Variants in ZMYND8 observed in about 807,000 individuals in gnomAD.
ZMYND8 encodes zinc finger MYND-type containing 8.
A neutral mutation model predicts 140.8 loss-of-function variants in ZMYND8; 37 were observed. The observed-to-expected ratio is 0.26, with a 90% CI of 0.20 to 0.35. The LOEUF is 0.35. ZMYND8 is among the 10% of genes least tolerant of loss of function. The pLI, the probability that ZMYND8 is intolerant of heterozygous loss-of-function variation, is 1.00. For missense variants in ZMYND8, 1,068 were observed against 1,570.0 expected, an observed-to-expected ratio of 0.68 and a Z score of 5.40; for synonymous variants, 592 against 597.1, an observed-to-expected ratio of 0.99 and a Z score of 0.12.
At chr20:47,303,154 T>G (rs2078199974) in intron 3 of ZMYND8, among the ~76,000 whole-genome samples, 1 of 152,000 alleles carries the variant, frequency 6.6e-6, no homozygotes. Flanking sequence ...TCGAATTTAT[T>G]GTAGGGGTAT....
intron 1 of ZMYND8, 24 bp downstream of exon 1, chr20:47,356,633 A>G (rs1173238028): frequency 2.5e-6 from 4 of 1,614,148 alleles, no homozygotes; most frequent in Admixed American, 3.3e-5. Flanking sequence ...GGGGGAAAAA[A>G]GATGGTTAAA....
chr20:47,262,507 T>C, intron 11 of ZMYND8, 79 bp from the exon 12 acceptor site: 1 of 1,563,712 alleles, frequency 6.4e-7, no homozygotes, highest in Non-Finnish European at 8.7e-7. Flanking sequence ...AGGGAGAGAA[T>C]GGAGAGATTA....
chr20:47,238,738 C>CAGAA lies in ZMYND8; in HGVS notation c.2665+16_2665+19dup, dbSNP rs751424432. 6.6e-5 allele frequency: 105 copies of CAGAA among 1,600,836 alleles called. No homozygotes were observed. The highest frequency in any genetic ancestry group is 1.6e-4 in the Middle Eastern group (1 of 6,078). On this transcript the variant is annotated intron_variant, in intron 15 of 22. Coordinates refer to ENST00000471951, the MANE Select transcript of ZMYND8 (RefSeq NM_001281775.3). ...AAATGGGAGCGGGCGCCACGGAGAA[C>CAGAA]AGAAGGGGAGGCTCGGTACCTTTCA...
intron 11 of ZMYND8, among the ~76,000 whole-genome samples, chr20:47,275,705 C>T (rs2076215626): frequency 6.6e-6 from 1 of 152,116 alleles, no homozygotes; most frequent in African/African-American, 2.4e-5. Context: ...CAGGCTCCGG[C>T]AATCCTCCCA....
At chr20:47,319,576 G>A (rs1343869747) in intron 2 of ZMYND8, 1 of 156,582 alleles carries the variant, frequency 6.4e-6, no homozygotes, top group East Asian at 1.9e-4. Flanking sequence ...GGTGATTAAA[G>A]GGCACATTCA....
chr20:47,351,467 C>CA (rs2082776088), intron 1 of ZMYND8, among the ~76,000 whole-genome samples: 1 of 152,150 alleles, frequency 6.6e-6, no homozygotes, highest in Non-Finnish European at 1.5e-5. Flanking sequence ...CATCGCACAG[C>CA]AATTCAAGAA....
intron 12 of ZMYND8, among the ~76,000 whole-genome samples, chr20:47,250,949 A>C (rs1451738193): frequency 6.6e-6 from 1 of 151,978 alleles, no homozygotes; most frequent in Non-Finnish European, 1.5e-5. Flanking sequence ...GAATGGCTTG[A>C]GCCAGGAGTT....
chr20:47,296,059 A>G lies in ZMYND8; in HGVS notation c.454-1280T>C, dbSNP rs2077616474. Among the ~76,000 whole-genome samples, 5 of 151,418 alleles carry G rather than the reference A, an allele frequency of 3.3e-5. No individual in the cohort carries two copies. The South Asian group carries it at 8.4e-4, about 25-fold the overall frequency. On this transcript the variant is annotated intron_variant, in intron 4 of 22. Coordinates refer to ENST00000471951, the MANE Select transcript of ZMYND8 (RefSeq NM_001281775.3). ...GCTGAAAACAGTGCATGACGCATGCATCTATTTGCTTAGCTACCACAGCCT... is the reference window on the plus strand; with the variant it reads ...GCTGAAAACAGTGCATGACGCATGCGTCTATTTGCTTAGCTACCACAGCCT...
chr20:47,214,182 G>A (rs2035716066), intron 21 of ZMYND8, among the ~76,000 whole-genome samples: 1 of 152,196 alleles, frequency 6.6e-6, no homozygotes, highest in African/African-American at 2.4e-5. Flanking sequence ...AGCAAGTGCT[G>A]GCAGAAGTAA....
chr20:47,216,387 C>T (rs1331492675), intron 21 of ZMYND8, among the ~76,000 whole-genome samples: 8 of 147,948 alleles, frequency 5.4e-5, no homozygotes, highest in Non-Finnish European at 1.5e-5. Context: ...CCCAGCTACT[C>T]AGGAGGCTGA....
intron 11 of ZMYND8, among the ~76,000 whole-genome samples, chr20:47,267,250 G>A (rs2075593200): frequency 6.6e-6 from 1 of 151,274 alleles, no homozygotes; most frequent in African/African-American, 2.4e-5. Flanking sequence ...GGGGTGAGAG[G>A]TAGGGGTGGA....
intron 8 of ZMYND8, 84 bp downstream of exon 8, chr20:47,287,145 T>C: frequency 8.1e-7 from 1 of 1,228,626 alleles, no homozygotes; most frequent in Admixed American, 1.7e-5. Context: ...GGCTACCTAA[T>C]AGGAGATTCT....
In ZMYND8 at chr20:47,223,559, T is replaced by A. The variant is rs139114338; in HGVS notation, c.3256+758A>T. Reference sequence around the variant, plus strand: ...TATTATTGATGCCAGGCGCTGTGGCTCACGCCTGTAATCCCAGCACTTTGG... The same window carrying A: ...TATTATTGATGCCAGGCGCTGTGGCACACGCCTGTAATCCCAGCACTTTGG... On this transcript the variant is annotated intron_variant, in intron 19 of 22. Coordinates refer to ENST00000471951, the MANE Select transcript of ZMYND8 (RefSeq NM_001281775.3). Among the ~76,000 whole-genome samples, 244 of 151,712 alleles carry A rather than the reference T, an allele frequency of 1.6e-3. 4 individuals are homozygous for A. The highest frequency in any genetic ancestry group is 0.012 in the Admixed American group (179 of 15,196).
chr20:47,294,141 A>T (rs2077482545), intron 5 of ZMYND8, among the ~76,000 whole-genome samples: 2 of 151,892 alleles, frequency 1.3e-5, no homozygotes, highest in Admixed American at 1.3e-4. Context: ...TGAGGTCAGG[A>T]GTTTGAGACC....
chr20:47,334,626 A>ATATT (rs1556421187), intron 2 of ZMYND8, among the ~76,000 whole-genome samples: 28 of 149,080 alleles, frequency 1.9e-4, no homozygotes, highest in African/African-American at 6.9e-4. Context: ...ATATATATAT[A>ATATT]TTTTAGGCAG....
intron 2 of ZMYND8, among the ~76,000 whole-genome samples, chr20:47,340,567 G>A (rs2081771815): frequency 6.6e-6 from 1 of 151,936 alleles, no homozygotes. Flanking sequence ...GCTGAGGCGA[G>A]CAGATCACTT....
intron 2 of ZMYND8, among the ~76,000 whole-genome samples, chr20:47,333,116 G>A (rs1296789627): frequency 6.6e-6 from 1 of 152,034 alleles, no homozygotes; most frequent in Non-Finnish European, 1.5e-5. Context: ...GGAGACTAAG[G>A]CCAGAGGATC....
chr20:47,356,203 G>A lies in ZMYND8; in HGVS notation c.14+454C>T, dbSNP rs1011164752. Among the ~76,000 whole-genome samples the A allele has an allele frequency of 2.1e-5, 3 of 139,540 alleles. No homozygotes were observed. The Admixed American group carries it at 2.3e-4, about 11-fold the overall frequency. The allele number at this position is 139,540 out of a possible 152,430, so 91.5% of individuals were successfully genotyped here. Reference sequence around the variant, plus strand: ...TGCCATGAGCTCTCCTTGGAGAGGAGCCTGTTTGCTTACCTTCCATTTTCT... The same window carrying A: ...TGCCATGAGCTCTCCTTGGAGAGGAACCTGTTTGCTTACCTTCCATTTTCT... On this transcript the variant is annotated intron_variant, in intron 1 of 22. Coordinates refer to ENST00000471951, the MANE Select transcript of ZMYND8 (RefSeq NM_001281775.3).
chr20:47,239,776 A>G (rs757683117), intron 14 of ZMYND8, among the ~76,000 whole-genome samples: 1 of 152,102 alleles, frequency 6.6e-6, no homozygotes, highest in Non-Finnish European at 1.5e-5. Flanking sequence ...CCTTCCCCCA[A>G]CGCAATGGTA....
Sources: allele counts gnomAD v4.1 joint callset (sites outside exome capture counted in the v4.1 genomes callset), GRCh38; gene constraint gnomAD v4.1.1; transcripts MANE v1.5; gene names NCBI Gene and HGNC (gene_info 2026-07-23, HGNC 2026-07-21).